CTDSPL: variants seen among roughly 807,000 people sequenced by gnomAD.
CTDSPL encodes the protein CTD small phosphatase-like protein.
Under a neutral mutation model 30.5 loss-of-function variants are expected in CTDSPL, and 8 were observed. That is an observed-to-expected ratio of 0.26 (90% CI 0.15 to 0.47). The LOEUF is 0.47. Ranked by LOEUF, CTDSPL falls within the 20% of genes least tolerant of loss-of-function variation. The pLI, the probability that CTDSPL is intolerant of heterozygous loss-of-function variation, is 0.99. For missense variants in CTDSPL, 248 were observed against 366.1 expected (o/e 0.68, Z 2.63); for synonymous variants, 110 against 137.9 (o/e 0.80, Z 1.42).
At chr3:37,953,295 C>T (rs574021150) in intron 2 of CTDSPL, among the ~76,000 whole-genome samples, 34 of 152,326 alleles carry the variant, frequency 2.2e-4, no homozygotes, top group African/African-American at 7.9e-4. Context: ...CATCTCTTTG[C>T]TTCCATGACT....
chr3:37,917,964 G>A (rs888638471), intron 1 of CTDSPL, among the ~76,000 whole-genome samples: 9 of 152,110 alleles, frequency 5.9e-5, no homozygotes, highest in Admixed American at 2.0e-4. Flanking sequence ...TCCAAGTTTC[G>A]TAGAACTATT....
chr3:37,904,159 G>GAGCA (rs80286483), intron 1 of CTDSPL, among the ~76,000 whole-genome samples: 8,453 of 152,288 alleles, frequency 0.056, 277 homozygotes, highest in African/African-American at 0.082. Context: ...CAGCAGAACA[G>GAGCA]AGCAGCCTTT....
intron 1 of CTDSPL, among the ~76,000 whole-genome samples, chr3:37,937,072 A>G (rs1698925002): frequency 1.3e-5 from 2 of 150,420 alleles, no homozygotes; most frequent in Admixed American, 6.7e-5. Context: ...CTGTTGCAGT[A>G]GAAGGAAAGA....
chr3:37,900,594 T>TCATC (rs1240755564), intron 1 of CTDSPL, among the ~76,000 whole-genome samples: 1 of 152,186 alleles, frequency 6.6e-6, no homozygotes, highest in Non-Finnish European at 1.5e-5. Context: ...TAAAGATAAG[T>TCATC]CATCCATAAT....
chr3:37,972,405 T>C (rs1437823633), intron 6 of CTDSPL, among the ~76,000 whole-genome samples: 3 of 152,090 alleles, frequency 2.0e-5, no homozygotes, highest in Non-Finnish European at 2.9e-5. Flanking sequence ...GGCACGAGAA[T>C]TGCTTGAACC....
At chr3:37,960,912 C>T (rs1699238278) in intron 3 of CTDSPL, among the ~76,000 whole-genome samples, 1 of 151,890 alleles carries the variant, frequency 6.6e-6, no homozygotes, top group South Asian at 2.1e-4. Context: ...AATACTTTTC[C>T]CCAAATGTAT....
At chr3:37,875,291 T>C (rs1265513493) in intron 1 of CTDSPL, among the ~76,000 whole-genome samples, 1 of 152,244 alleles carries the variant, frequency 6.6e-6, no homozygotes, top group Non-Finnish European at 1.5e-5. Flanking sequence ...ACCTAAGTAA[T>C]AGCTCATTTT....
intron 1 of CTDSPL, among the ~76,000 whole-genome samples, chr3:37,898,388 A>G (rs1321189846): frequency 6.6e-6 from 1 of 152,222 alleles, no homozygotes; most frequent in Non-Finnish European, 1.5e-5. Context: ...GCATGTTTAA[A>G]AGCCACATAT....
rs1699494660 is a variant in CTDSPL at position 37,981,720 on chromosome 3, G to GT, written c.*859dup. On this transcript the variant is annotated 3_prime_UTR_variant, in exon 8 of 8. Coordinates refer to ENST00000273179, the MANE Select transcript of CTDSPL (RefSeq NM_001008392.2). ...TCTCACACTACTGCCATACATTTGT[G>GT]TTTTTTGTTGTTATTGTTTGGGTAG... 1 of 412,672 alleles carries GT rather than the reference G, an allele frequency of 2.4e-6. No individual in the cohort carries two copies. Among genetic ancestry groups the GT allele is most frequent in the Non-Finnish European group, 4.9e-6 (1 of 203,138 alleles). The allele number at this position is 412,672 out of a possible 1,614,324, so 25.6% of individuals were successfully genotyped here. A position where few individuals can be genotyped will look rare whatever the true frequency, so the allele number is the denominator to read the frequency against.
chr3:37,984,340 T>A lies in CTDSPL; in HGVS notation c.*3473T>A, dbSNP rs1400386202. The A allele has an allele frequency of 2.2e-6, 1 of 456,030 alleles. No individual in the cohort carries two copies. The highest frequency in any genetic ancestry group is 4.4e-6 in the Non-Finnish European group (1 of 226,588). The allele number at this position is 456,030 out of a possible 1,614,324, so 28.2% of individuals were successfully genotyped here. On this transcript the variant is annotated 3_prime_UTR_variant, in exon 8 of 8. Transcript: ENST00000273179. ...CATGGATTTCTGCTGGACATTTGAA[T>A]GTGATAAACAATCCAGCATTACTTA...
At chr3:37,922,448 G>GAC (rs1698728987) in intron 1 of CTDSPL, among the ~76,000 whole-genome samples, 1 of 152,176 alleles carries the variant, frequency 6.6e-6, no homozygotes, top group Non-Finnish European at 1.5e-5. Context: ...GGACAGGAGT[G>GAC]ACCAGTAAGA....
chr3:37,973,955 G>A (rs1234788870), intron 6 of CTDSPL, among the ~76,000 whole-genome samples: 1 of 152,214 alleles, frequency 6.6e-6, no homozygotes, highest in East Asian at 1.9e-4. Context: ...GAGCAAGCTT[G>A]TCCAGCCTGT....
At position 37,981,761 on chromosome 3, in the gene CTDSPL, C is replaced by A; in HGVS notation, c.*894C>A. On this transcript the variant is annotated 3_prime_UTR_variant, in exon 8 of 8. Transcript: ENST00000273179. Reference sequence around the variant, plus strand: ...GTTTGGGTAGAGCAGTTACAAGAAACCCTAAAACCCTTGGATATAAAAGAA... The same window carrying A: ...GTTTGGGTAGAGCAGTTACAAGAAAACCTAAAACCCTTGGATATAAAAGAA... 2.2e-6 allele frequency: 1 copy of A among 453,290 alleles called. No homozygotes were observed. Among genetic ancestry groups the A allele is most frequent in the Non-Finnish European group, 4.4e-6 (1 of 225,452 alleles). 28.1% of individuals were successfully genotyped at this position (453,290 alleles called of 1,614,324 possible).
At chr3:37,898,623 T>C (rs930689384) in intron 1 of CTDSPL, among the ~76,000 whole-genome samples, 1 of 152,196 alleles carries the variant, frequency 6.6e-6, no homozygotes, top group Non-Finnish European at 1.5e-5. Flanking sequence ...CTTGCTTGAC[T>C]CACATTCTAT....
intron 6 of CTDSPL, among the ~76,000 whole-genome samples, chr3:37,974,264 C>G (rs1481669767): frequency 6.6e-6 from 1 of 152,244 alleles, no homozygotes. Context: ...GTAGGAAACA[C>G]AGCTGCTCCT....
intron 3 of CTDSPL, among the ~76,000 whole-genome samples, chr3:37,963,423 C>T (rs778758186): frequency 6.6e-6 from 1 of 152,112 alleles, no homozygotes; most frequent in Non-Finnish European, 1.5e-5. Context: ...AGGAAAGAGC[C>T]ACGTAAAAGG....
At position 37,967,905 on chromosome 3, in the gene CTDSPL, G is replaced by T. The variant is rs761301859; in HGVS notation, c.426+23G>T. On this transcript the variant is annotated intron_variant, in intron 5 of 7. Transcript: ENST00000273179. ...CAGGTAAGAAACTGAAGCTAAATTT[G>T]AGTTTCAATTAAGATTTTTTAGTAC... 38 of 1,539,204 alleles carry T rather than the reference G, an allele frequency of 2.5e-5. 1 individual carries two copies. In the South Asian group the frequency reaches 4.5e-4, roughly 18 times the overall value.
intron 1 of CTDSPL, among the ~76,000 whole-genome samples, chr3:37,940,124 C>T (rs1698961933): frequency 6.7e-6 from 1 of 150,238 alleles, no homozygotes; most frequent in South Asian, 2.1e-4. Flanking sequence ...CCCCTCGCTA[C>T]TCATAGTCCC....
Position 37,937,301 on chromosome 3 carries a change from G to A in CTDSPL, c.80-9756G>A, listed in dbSNP as rs151119013. Among the ~76,000 whole-genome samples the A allele has an allele frequency of 1.4e-3, 212 of 150,410 alleles. 2 individuals are homozygous for A. Among genetic ancestry groups the A allele is most frequent in the African/African-American group, 4.8e-3 (197 of 41,388 alleles). ...GTTGCCATTGTAGTGGTGTTGGGAG[G>A]TGGAACCTAATGGGAGCTGTCTGAG... On this transcript the variant is annotated intron_variant, in intron 1 of 7. Coordinates refer to ENST00000273179, the MANE Select transcript of CTDSPL (RefSeq NM_001008392.2).
Sources: allele counts gnomAD v4.1 joint callset (sites outside exome capture counted in the v4.1 genomes callset), GRCh38; gene constraint gnomAD v4.1.1; transcripts MANE v1.5; gene names NCBI Gene and HGNC (gene_info 2026-07-23, HGNC 2026-07-21).